The following CIITA variants were observed in gnomAD, a reference collection of about 807,000 sequenced individuals.
CIITA encodes the protein MHC class II transactivator.
CIITA carries 72 observed loss-of-function variants against 115.1 expected under a neutral mutation model. The ratio of observed to expected loss-of-function variants is 0.63; its 90% CI spans 0.52 to 0.76. The LOEUF (loss-of-function observed/expected upper bound fraction) is 0.76. Ranked by LOEUF, CIITA falls within the 30% of genes least tolerant of loss-of-function variation. CIITA has a pLI of 0.00. For synonymous variants in CIITA, 763 were observed against 635.6 expected, an observed-to-expected ratio of 1.20 and a Z score of -3.02; for missense variants, 1,617 against 1,463.8, an observed-to-expected ratio of 1.10 and a Z score of -1.71.
In CIITA at chr16:10,918,696, A is replaced by T. The variant is rs1363102390; in HGVS notation, c.3149+170A>T. ...GAAAGAAACTCTGAGCAAGTCAGTT[A>T]TTCATTCCTAGCCGCTGTTTTCTTA... On this transcript the variant is annotated intron_variant, in intron 16 of 19. Coordinates refer to ENST00000324288, the MANE Select transcript of CIITA (RefSeq NM_000246.4). Among the ~76,000 whole-genome samples, 2 of 152,238 alleles carry T rather than the reference A, an allele frequency of 1.3e-5. 1 individual carries two copies. Among genetic ancestry groups the T allele is most frequent in the African/African-American group, 4.8e-5 (2 of 41,456 alleles).
chr16:10,877,350 G>A lies in CIITA; in HGVS notation c.20G>A (p.Arg7His), dbSNP rs374703179. The change falls in exon 1 of 20, where the codon CGC becomes CAC. Residue 7 changes from arginine (R) to histidine (H), a missense_variant. Transcript: ENST00000324288. ...TACACAATGCGTTGCCTGGCTCCAC[G>A]CCCTGCTGGGTCCTACCTGTCAGAG... Reference protein sequence around the residue: MRCLAPRPAGSYLSEPQ... With the variant: MRCLAPHPAGSYLSEPQ... 251 of 1,613,156 alleles carry A rather than the reference G, an allele frequency of 1.6e-4. No individual in the cohort carries two copies. Among genetic ancestry groups the A allele is most frequent in the Non-Finnish European group, 1.8e-4 (211 of 1,179,584 alleles).
intron 16 of CIITA, among the ~76,000 whole-genome samples, 181 bp from the exon 17 acceptor site, chr16:10,921,986 C>A (rs570732290): frequency 3.9e-5 from 6 of 152,330 alleles, no homozygotes; most frequent in African/African-American, 7.2e-5. Context: ...AAAATGGGAA[C>A]CATCCCAATG....
chr16:10,908,251 G>T, intron 11 of CIITA, 102 bp downstream of exon 11: 3 of 1,355,952 alleles, frequency 2.2e-6, no homozygotes, highest in Non-Finnish European at 3.1e-6. Flanking sequence ...AGTATGCAGA[G>T]CAGCCGGGTG....
chr16:10,919,132 A>G (rs1399307054), intron 16 of CIITA, among the ~76,000 whole-genome samples: 3 of 152,182 alleles, frequency 2.0e-5, no homozygotes, highest in Non-Finnish European at 4.4e-5. Context: ...ACTGAGGACA[A>G]CCAGAGTCAG....
rs150329491 is a variant in CIITA, at chr16:10,891,361, G to T, written c.53-3921G>T. Among the ~76,000 whole-genome samples, 550 of 152,260 alleles carry T rather than the reference G, an allele frequency of 3.6e-3. 4 individuals are homozygous for T. The highest frequency in any genetic ancestry group is 0.013 in the African/African-American group (522 of 41,552). ...ACGTCCTTCCCGGGGTCTCAGTCTT[G>T]TCATCTGCAGAGTGAAGGAAAGAGG... On this transcript the variant is annotated intron_variant, in intron 1 of 19. Coordinates refer to ENST00000324288, the MANE Select transcript of CIITA (RefSeq NM_000246.4).
chr16:10,908,594 G>A (rs2039340360), intron 11 of CIITA: 1 of 419,726 alleles, frequency 2.4e-6, no homozygotes, highest in South Asian at 2.2e-5. Context: ...GAATCTGATT[G>A]TATCCCATCC....
chr16:10,910,915 C>G (rs1323093517), intron 13 of CIITA, among the ~76,000 whole-genome samples: 1 of 152,194 alleles, frequency 6.6e-6, no homozygotes, highest in African/African-American at 2.4e-5. Context: ...AAAAAGCAAC[C>G]CTACTTGCCT....
chr16:10,898,700 C>G lies in CIITA; in HGVS notation c.326C>G (p.Ser109Cys), dbSNP rs375019139. Residue 109 changes from serine (S) to cysteine (C), a missense_variant, in exon 4 of 20, where the codon TCC (serine) becomes TGC (cysteine). Coordinates refer to ENST00000324288, the MANE Select transcript of CIITA (RefSeq NM_000246.4). ...AELDQYVFQDSQLEGLSKDIF... is the reference protein window; with the variant it reads ...AELDQYVFQDCQLEGLSKDIF... ...CTGGACCAGTATGTCTTCCAGGACT[C>G]CCAGCTGGAGGGCCTGAGCAAGGAC... 120 of 1,611,778 alleles carry G rather than the reference C, an allele frequency of 7.4e-5. No individual in the cohort carries two copies. Among genetic ancestry groups the G allele is most frequent in the Non-Finnish European group, 9.9e-5 (117 of 1,179,124 alleles).
Position 10,907,925 on chromosome 16 carries a change from C to T in CIITA, c.2433C>T (p.His811=), listed in dbSNP as rs2144741990. Residue 811 remains histidine (H), a synonymous_variant, in exon 11 of 20, where the codon CAC becomes CAT. Transcript: ENST00000324288. The surrounding 1 kb of genome is among the most constrained non-coding windows in gnomAD (Gnocchi z 5.0). ...CGCGGCAGCTGCTGGAGCTGCTGCA[C>T]TGCGCCCACGAGGCCGAGGAGGCTG... is the stretch of plus-strand genomic sequence containing the variant. The part of the protein sequence containing the change: ...LRARQLLELL[H]CAHEAEEAGI... The T allele has an allele frequency of 1.3e-6, 2 of 1,569,140 alleles. No individual in the cohort carries two copies. Among genetic ancestry groups the T allele is most frequent in the Non-Finnish European group, 1.7e-6 (2 of 1,159,004 alleles).
intron 1 of CIITA, 31 bp from the exon 2 acceptor site, chr16:10,895,251 T>C (rs1167880372): frequency 6.2e-7 from 1 of 1,612,868 alleles, no homozygotes; most frequent in East Asian, 2.2e-5. Context: ...CAACACCCTG[T>C]GAGGTGACTG....
intron 12 of CIITA, 140 bp from the exon 13 acceptor site, chr16:10,910,048 T>A (rs2039451834): frequency 2.8e-6 from 2 of 705,342 alleles, no homozygotes; most frequent in Non-Finnish European, 5.0e-6. Flanking sequence ...TCTTTTTTTT[T>A]AAGAGGGGGA....
intron 1 of CIITA, among the ~76,000 whole-genome samples, chr16:10,887,169 C>T (rs554633252): frequency 6.6e-6 from 1 of 152,124 alleles, no homozygotes; most frequent in Non-Finnish European, 1.5e-5. Context: ...ATAGGCATTC[C>T]TAGGCCCCTG....
rs2039395147 is a variant in CIITA at position 10,909,280 on chromosome 16, C to T, written c.2816+93C>T. The T allele has an allele frequency of 6.7e-6, 9 of 1,349,576 alleles. No homozygotes were observed. In the South Asian group the frequency reaches 8.5e-5, roughly 13 times the overall value. 83.6% of individuals were successfully genotyped at this position (1,349,576 alleles called of 1,614,324 possible). A position where few individuals can be genotyped will look rare whatever the true frequency, so the allele number is the denominator to read the frequency against. On this transcript the variant is annotated intron_variant, in intron 12 of 19. Coordinates refer to ENST00000324288, the MANE Select transcript of CIITA (RefSeq NM_000246.4). ...AAGTTTGTCATGGGCATTTCCAGTG[C>T]CCCCTGTCCTCTGGGACACCCCATG...
chr16:10,901,817 A>T lies in CIITA; in HGVS notation c.482-221A>T, dbSNP rs2038788131. On this transcript the variant is annotated intron_variant, in intron 6 of 19. Coordinates refer to ENST00000324288, the MANE Select transcript of CIITA (RefSeq NM_000246.4). This position sits in a 1 kb window ranked among gnomAD's most constrained non-coding sequence, Gnocchi z 6.8. ...CCCCAGCTCTCCGTGTGGAGGCCCT[A>T]GGGTCCTGCTCAGCATAGCTCTCAG... 5 of 722,730 alleles carry T rather than the reference A, an allele frequency of 6.9e-6. No individual in the cohort carries two copies. The South Asian group carries it at 8.5e-5, about 12-fold the overall frequency. 44.8% of individuals were successfully genotyped at this position (722,730 alleles called of 1,614,324 possible).
chr16:10,922,403 C>A lies in CIITA; in HGVS notation c.3234-4C>A, dbSNP rs2040322453. The A allele has an allele frequency of 6.2e-7, 1 of 1,614,114 alleles. No individual in the cohort carries two copies. The highest frequency in any genetic ancestry group is 1.3e-5 in the African/African-American group (1 of 74,934). On this transcript the variant is annotated splice_region_variant and splice_polypyrimidine_tract_variant and intron_variant, in intron 17 of 19. Transcript: ENST00000324288. The stretch of plus-strand genomic sequence containing the variant: ...CAGGCCCCAAGGTGAGTTTCTCTTG[C>A]CAGCGTCCAGTACAACAAGTTCACG...
At chr16:10,914,168 C>T (rs2039790098) in intron 13 of CIITA, among the ~76,000 whole-genome samples, 1 of 152,204 alleles carries the variant, frequency 6.6e-6, no homozygotes, top group Admixed American at 6.5e-5. Context: ...GGGCCTGGCA[C>T]ATAGTAGGCA....
At position 10,927,707 on chromosome 16, in the gene CIITA, C is replaced by T. The variant is rs190395446; in HGVS notation, c.*3852C>T. The T allele has an allele frequency of 9.9e-5, 15 of 152,264 alleles. No individual in the cohort carries two copies. In the East Asian group the frequency reaches 2.3e-3, roughly 24 times the overall value. 9.4% of individuals were successfully genotyped at this position (152,264 alleles called of 1,614,324 possible). A position where few individuals can be genotyped will look rare whatever the true frequency, so the allele number is the denominator to read the frequency against. On this transcript the variant is annotated 3_prime_UTR_variant, in exon 20 of 20. Transcript: ENST00000324288. ...CTTTTAACCCAGAGGGGCATCTTTTCGTAGTTAACGCACAGTCATCGTAAG... is the reference window on the plus strand; with the variant it reads ...CTTTTAACCCAGAGGGGCATCTTTTTGTAGTTAACGCACAGTCATCGTAAG...
chr16:10,901,591 G>T lies in CIITA; in HGVS notation c.481+33G>T. ...GGGCAGGTGGGCTGGGGTTGGGAAG[G>T]GTGGATGCCTTGGGGAGGGGATGGA... On this transcript the variant is annotated intron_variant, in intron 6 of 19. Transcript: ENST00000324288. The surrounding 1 kb of genome is among the most constrained non-coding windows in gnomAD (Gnocchi z 6.8). 6.2e-7 allele frequency: 1 copy of T among 1,610,652 alleles called. No individual in the cohort carries two copies. Among genetic ancestry groups the T allele is most frequent in the Non-Finnish European group, 8.5e-7 (1 of 1,177,762 alleles).
chr16:10,902,877 C>T, intron 8 of CIITA, 76 bp downstream of exon 8: 1 of 1,561,234 alleles, frequency 6.4e-7, no homozygotes, highest in Non-Finnish European at 8.8e-7. Context: ...TCCCCATACT[C>T]CATGCACTTG....
Sources: gnomAD v4.1 joint callset for allele counts (sites outside exome capture counted in the v4.1 genomes callset) on GRCh38, gnomAD v4.1.1 for gene constraint, Gnocchi (gnomAD v3.1) non-coding constraint, MANE v1.5 for transcripts, NCBI Gene and HGNC (gene_info 2026-07-23, HGNC 2026-07-21) for gene names.